REPS2: variants seen among roughly 807,000 people sequenced by gnomAD.
The protein encoded by REPS2 is ralBP1-associated Eps domain-containing protein 2.
A neutral mutation model predicts 53.6 loss-of-function variants in REPS2; 23 were observed. The ratio of observed to expected loss-of-function variants is 0.43; its 90% CI spans 0.31 to 0.61. The LOEUF (loss-of-function observed/expected upper bound fraction) is 0.61. Ranked by LOEUF, REPS2 falls within the 20% of genes least tolerant of loss-of-function variation. The pLI, the probability that REPS2 is intolerant of heterozygous loss-of-function variation, is 0.11. For missense variants in REPS2, 446 were observed against 534.9 expected (o/e 0.83, Z 1.64); for synonymous variants, 238 against 218.6 (o/e 1.09, Z -0.78).
intron 14 of REPS2, among the ~76,000 whole-genome samples, chrX:17,121,662 A>T (rs900046305): frequency 8.9e-6 from 1 of 112,462 alleles, no homozygotes; most frequent in African/African-American, 3.2e-5. Flanking sequence ...AACTTGTGCC[A>T]CTAGGTGGCA....
intron 3 of REPS2, 141 bp from the exon 4 acceptor site, chrX:17,024,918 C>T: frequency 2.4e-6 from 2 of 838,223 alleles, no homozygotes; most frequent in Non-Finnish European, 3.5e-6. Context: ...TTTAACCATG[C>T]TGCATTTTTG....
chrX:17,050,258 C>T (rs1245123561), intron 6 of REPS2, among the ~76,000 whole-genome samples: 5 of 88,435 alleles, frequency 5.7e-5, no homozygotes, highest in South Asian at 1.2e-3. Context: ...GATGTGATCT[C>T]GGCTCACTGC....
chrX:17,118,103 G>A, intron 14 of REPS2, among the ~76,000 whole-genome samples: 1 of 100,300 alleles, frequency 1.0e-5, no homozygotes, highest in Non-Finnish European at 2.0e-5. Flanking sequence ...GGGACTACAG[G>A]CGCCTGCCAC....
intron 1 of REPS2, among the ~76,000 whole-genome samples, chrX:17,004,350 T>C (rs1051878783): frequency 3.6e-5 from 4 of 110,239 alleles, no homozygotes; most frequent in African/African-American, 9.9e-5. Flanking sequence ...AGCTTTTCCA[T>C]GGAGATTTTA....
At position 17,004,008 on chromosome X, in the gene REPS2, A is replaced by G. The variant is rs755259169; in HGVS notation, c.274-2213A>G. ...AGCTGTAAGGAAGTTGATTTAATCT[A>G]TTTCTTTTTTTCATCTCTTGCCTTC... is the stretch of plus-strand genomic sequence containing the variant. On this transcript the variant is annotated intron_variant, in intron 1 of 17. Coordinates refer to ENST00000357277, the MANE Select transcript of REPS2 (RefSeq NM_004726.3). 2.4e-4 allele frequency among the ~76,000 whole-genome samples: 27 copies of G among 111,388 alleles called. 1 individual carries two copies. In the South Asian group the frequency reaches 9.0e-3, roughly 37 times the overall value.
chrX:17,063,834 C>T (rs945759005), intron 9 of REPS2, among the ~76,000 whole-genome samples: 3 of 108,464 alleles, frequency 2.8e-5, no homozygotes, highest in Non-Finnish European at 3.8e-5. Flanking sequence ...TGATGGGCCC[C>T]CTGCTTGCAT....
At chrX:17,062,381 C>T (rs113805019) in intron 8 of REPS2, 57 bp from the exon 9 acceptor site, 42 of 894,019 alleles carry the variant, frequency 4.7e-5, no homozygotes, top group African/African-American at 3.0e-4. Flanking sequence ...TGATGGGAAA[C>T]ACTGATTACT....
chrX:16,955,796 A>C (rs1039932509), intron 1 of REPS2, among the ~76,000 whole-genome samples: 2 of 111,797 alleles, frequency 1.8e-5, no homozygotes, highest in African/African-American at 6.5e-5. Flanking sequence ...AGAGACCAGG[A>C]GGTGAGAATT....
chrX:17,131,193 GA>G (rs2063287079), intron 14 of REPS2, among the ~76,000 whole-genome samples: 1 of 111,340 alleles, frequency 9.0e-6, no homozygotes, highest in South Asian at 3.8e-4. Flanking sequence ...AGAACCTTGA[GA>G]AATCCTACAT....
chrX:17,159,832 G>C, the REPS2 span, among the ~76,000 whole-genome samples: 4 of 111,781 alleles, frequency 3.6e-5, no homozygotes, highest in South Asian at 1.5e-3. Flanking sequence ...CAAACAAGTT[G>C]GCCAAATTGA....
chrX:17,012,416 A>AACAACAAC (rs1569124855), intron 2 of REPS2, among the ~76,000 whole-genome samples: 10 of 96,737 alleles, frequency 1.0e-4, no homozygotes, highest in African/African-American at 4.4e-4. Context: ...ACAACAACAA[A>AACAACAAC]CAAAACCCTA....
chrX:17,161,845 A>G, the REPS2 span, among the ~76,000 whole-genome samples: 2 of 112,017 alleles, frequency 1.8e-5, no homozygotes, highest in African/African-American at 6.5e-5. Context: ...GGATTGGGGA[A>G]AGACCAAAAG....
At chrX:17,138,685 T>C (rs2063405374) in intron 16 of REPS2, 171 bp from the exon 17 acceptor site, 3 of 313,639 alleles carry the variant, frequency 9.6e-6, no homozygotes, top group Admixed American at 5.8e-5. Flanking sequence ...AATAAATTTG[T>C]TTCATTTGGT....
the REPS2 span, among the ~76,000 whole-genome samples, chrX:17,180,554 A>G: frequency 9.0e-6 from 1 of 111,214 alleles, no homozygotes; most frequent in African/African-American, 3.3e-5. Context: ...GTTCCACCTG[A>G]AAAACATAGT....
chrX:17,051,131 T>G (rs2061997187), intron 6 of REPS2, among the ~76,000 whole-genome samples: 1 of 111,611 alleles, frequency 9.0e-6, no homozygotes, highest in African/African-American at 3.3e-5. Context: ...TGTGACTGGC[T>G]TATTTCACTT....
At chrX:16,987,585 G>A (rs2061107202) in intron 1 of REPS2, among the ~76,000 whole-genome samples, 1 of 111,939 alleles carries the variant, frequency 8.9e-6, no homozygotes, top group Non-Finnish European at 1.9e-5. Context: ...TTTAATCAGA[G>A]TTCAGTAAAC....
intron 1 of REPS2, among the ~76,000 whole-genome samples, chrX:16,995,138 A>G (rs1569113784): frequency 8.9e-6 from 1 of 112,158 alleles, no homozygotes; most frequent in Non-Finnish European, 1.9e-5. Context: ...TCCCCCTTAC[A>G]CCTGCTCCCT....
chrX:17,129,247 C>T (rs766854573), intron 14 of REPS2, among the ~76,000 whole-genome samples: 1 of 112,326 alleles, frequency 8.9e-6, no homozygotes, highest in East Asian at 2.8e-4. Flanking sequence ...AACCTCCCCA[C>T]CTTATTCTGC....
chrX:16,964,024 TTTA>T (rs749009062), intron 1 of REPS2, among the ~76,000 whole-genome samples: 449 of 109,124 alleles, frequency 4.1e-3, no homozygotes, highest in South Asian at 5.8e-3. Flanking sequence ...TTAATTTAAT[TTTA>T]TTATTATTAT....
Sources: gnomAD v4.1 joint callset for allele counts (sites outside exome capture counted in the v4.1 genomes callset) on GRCh38, gnomAD v4.1.1 for gene constraint, MANE v1.5 for transcripts, NCBI Gene and HGNC (gene_info 2026-07-23, HGNC 2026-07-21) for gene names.